Variants in CEP112 observed in about 807,000 individuals in gnomAD.
CEP112 encodes the protein centrosomal protein of 112 kDa.
In CEP112, 127 loss-of-function variants were observed where a neutral mutation model predicts 153.0. The ratio of observed to expected loss-of-function variants is 0.83; its 90% confidence interval spans 0.72 to 0.96. The LOEUF is 0.96. Ranked by LOEUF, CEP112 falls within the 40% of genes least tolerant of loss-of-function variation. The pLI, the probability that CEP112 is intolerant of heterozygous loss-of-function variation, is 0.00. For missense variants in CEP112, 1,089 were observed against 1,101.2 expected (o/e 0.99, Z 0.16); for synonymous variants, 358 against 374.4 (o/e 0.96, Z 0.51).
chr17:65,993,272 C>T (rs2063663030), intron 17 of CEP112, among the ~76,000 whole-genome samples: 1 of 152,174 alleles, frequency 6.6e-6, no homozygotes. Context: ...GACATGATCT[C>T]ACTGCTTTTT....
intron 23 of CEP112, among the ~76,000 whole-genome samples, chr17:65,731,857 C>T (rs1464989384): frequency 4.6e-5 from 7 of 152,174 alleles, no homozygotes; most frequent in Admixed American, 2.0e-4. Context: ...GCAATTCGGT[C>T]GCATCTTTAG....
chr17:65,869,719 A>G (rs2058590853), intron 20 of CEP112, among the ~76,000 whole-genome samples: 1 of 151,578 alleles, frequency 6.6e-6, no homozygotes, highest in African/African-American at 2.4e-5. Context: ...AGCTGGGACT[A>G]CAGGCAGGCG....
intron 21 of CEP112, among the ~76,000 whole-genome samples, chr17:65,756,092 C>G (rs1248477829): frequency 6.6e-6 from 1 of 152,060 alleles, no homozygotes; most frequent in African/African-American, 2.4e-5. Context: ...AGGAAACAGA[C>G]AGAAGTAATA....
At chr17:65,646,043 C>T (rs146375675) in intron 24 of CEP112, among the ~76,000 whole-genome samples, 120 of 152,254 alleles carry the variant, frequency 7.9e-4, no homozygotes, top group African/African-American at 2.5e-3. Context: ...CTTTGGTTCA[C>T]GCTTATGGTT....
At chr17:65,736,566 C>G (rs1240647876) in intron 23 of CEP112, among the ~76,000 whole-genome samples, 1 of 152,058 alleles carries the variant, frequency 6.6e-6, no homozygotes, top group Non-Finnish European at 1.5e-5. Flanking sequence ...TAGGCCCTAA[C>G]TAATACCATT....
At chr17:65,720,374 G>A (rs1451915409) in intron 23 of CEP112, among the ~76,000 whole-genome samples, 1 of 152,180 alleles carries the variant, frequency 6.6e-6, no homozygotes, top group Admixed American at 6.5e-5. Flanking sequence ...AGATTGCAGA[G>A]CCTAGTAAGA....
intron 19 of CEP112, among the ~76,000 whole-genome samples, chr17:65,911,645 G>C (rs2060287590): frequency 6.6e-6 from 1 of 152,038 alleles, no homozygotes; most frequent in Admixed American, 6.6e-5. Flanking sequence ...CCTAGGCAAT[G>C]TATCAAGACC....
At chr17:65,858,254 T>C (rs1461084289) in intron 20 of CEP112, among the ~76,000 whole-genome samples, 1 of 152,192 alleles carries the variant, frequency 6.6e-6, no homozygotes, top group East Asian at 1.9e-4. Flanking sequence ...CTCGCTTCTC[T>C]GGAAAAGTTT....
chr17:65,879,272 C>T (rs140885781), intron 20 of CEP112, among the ~76,000 whole-genome samples: 5 of 152,218 alleles, frequency 3.3e-5, no homozygotes, highest in Non-Finnish European at 7.4e-5. Context: ...AATGACAGCA[C>T]CAAGAGGACA....
intron 23 of CEP112, among the ~76,000 whole-genome samples, chr17:65,734,798 T>G (rs570021771): frequency 6.6e-6 from 1 of 152,296 alleles, no homozygotes; most frequent in African/African-American, 2.4e-5. Flanking sequence ...ACTGTGGATA[T>G]TTTTGTTAAT....
At chr17:66,050,612 A>G (rs8070384) in intron 12 of CEP112, among the ~76,000 whole-genome samples, 149,297 of 152,242 alleles carry the variant, frequency 0.98, 73,269 homozygotes, top group East Asian at 1. Context: ...AAAATTACAA[A>G]GAAGAGTATA....
At chr17:66,068,882 C>T (rs1192230262) in intron 9 of CEP112, among the ~76,000 whole-genome samples, 1 of 151,830 alleles carries the variant, frequency 6.6e-6, no homozygotes, top group Non-Finnish European at 1.5e-5. Context: ...GACTCTCTAA[C>T]ATACTTATGA....
chr17:65,939,757 C>G (rs1024682749), intron 18 of CEP112, among the ~76,000 whole-genome samples: 24 of 152,234 alleles, frequency 1.6e-4, no homozygotes, highest in African/African-American at 5.5e-4. Context: ...GGATTAAAGA[C>G]TTAAATATAA....
chr17:65,753,023 T>G (rs921048781), intron 21 of CEP112, among the ~76,000 whole-genome samples: 1 of 152,232 alleles, frequency 6.6e-6, no homozygotes, highest in Non-Finnish European at 1.5e-5. Context: ...TAAAAACCAC[T>G]GGTTCATGCC....
chr17:65,965,482 A>G (rs1568303227), intron 17 of CEP112, among the ~76,000 whole-genome samples: 1 of 150,740 alleles, frequency 6.6e-6, no homozygotes, highest in East Asian at 2.0e-4. Flanking sequence ...TAATGAATAC[A>G]TTGAGCTCCA....
At chr17:65,928,943 T>C (rs1438107474) in intron 18 of CEP112, among the ~76,000 whole-genome samples, 2 of 152,202 alleles carry the variant, frequency 1.3e-5, no homozygotes, top group African/African-American at 2.4e-5. Context: ...TTAAGCTAAG[T>C]GTCACAACAG....
chr17:65,748,076 G>C (rs897319540), intron 22 of CEP112, among the ~76,000 whole-genome samples: 1 of 152,080 alleles, frequency 6.6e-6, no homozygotes, highest in Non-Finnish European at 1.5e-5. Flanking sequence ...CCAATCCACA[G>C]TCTTGTTTTA....
At position 66,176,857 on chromosome 17, in the gene CEP112, C is replaced by T; in HGVS notation, c.270G>A (p.Gly90=). ...EGPFTHRPEP[G]TLKILPSYMS... is the part of the protein sequence containing the mutation. The stretch of plus-strand genomic sequence containing the variant: ...TGTATGAAGGTAGAATTTTTAGTGT[C>T]CCGGGTTCAGGTCGGTGTGTAAAAG... The change falls in exon 3 of 27, where the codon GGG becomes GGA. Residue 90 remains glycine (G), a synonymous_variant. Coordinates refer to ENST00000535342, the MANE Select transcript of CEP112 (RefSeq NM_001199165.4). The T allele has an allele frequency of 6.2e-7, 1 of 1,611,178 alleles. No homozygotes were observed. The highest frequency in any genetic ancestry group is 8.5e-7 in the Non-Finnish European group (1 of 1,178,930).
At chr17:66,059,271 G>A (rs999312244) in intron 11 of CEP112, among the ~76,000 whole-genome samples, 15 of 151,972 alleles carry the variant, frequency 9.9e-5, no homozygotes, top group Admixed American at 8.5e-4. Flanking sequence ...ATCCCCAAAA[G>A]CAATTGCAAC....
Sources: gnomAD v4.1 joint callset for allele counts (sites outside exome capture counted in the v4.1 genomes callset) on GRCh38, gnomAD v4.1.1 for gene constraint, MANE v1.5 for transcripts, NCBI Gene and HGNC (gene_info 2026-07-23, HGNC 2026-07-21) for gene names.